EIF2AK2: variants seen among roughly 807,000 people sequenced by gnomAD.
The protein encoded by EIF2AK2 is interferon-induced, double-stranded RNA-activated protein kinase.
EIF2AK2 carries 40 observed loss-of-function variants against 70.5 expected under a neutral mutation model. That is an observed-to-expected ratio of 0.57 (90% CI 0.44 to 0.74). The LOEUF is 0.74. Among genes scored for constraint, EIF2AK2 ranks in the 30% least tolerant of loss-of-function variants. The pLI is 0.00. For synonymous variants in EIF2AK2, 198 were observed against 220.9 expected (o/e 0.90, Z 0.92); for missense variants, 555 against 644.3 (o/e 0.86, Z 1.50).
At chr2:37,125,438 G>A (rs934193623) in intron 11 of EIF2AK2, among the ~76,000 whole-genome samples, 6 of 152,212 alleles carry the variant, frequency 3.9e-5, no homozygotes, top group African/African-American at 1.2e-4. Flanking sequence ...TGGTAGTGAC[G>A]TTCTGGAACT....
rs2148661545 is a variant in EIF2AK2 at position 37,107,058 on chromosome 2, A to G, written c.*215T>C. 3 of 528,334 alleles carry G rather than the reference A, an allele frequency of 5.7e-6. No individual in the cohort carries two copies. The highest frequency in any genetic ancestry group is 8.9e-6 in the Non-Finnish European group (3 of 337,724). The allele number at this position is 528,334 out of a possible 1,614,324, so 32.7% of individuals were successfully genotyped here. On this transcript the variant is annotated 3_prime_UTR_variant, in exon 17 of 17. Transcript: ENST00000233057. ...CTCTGTCTTTAAAAAAAAAAAAAGA[A>G]TAAAGAGATGAGCCAGGAAAAAGTA...
chr2:37,114,864 G>C lies in EIF2AK2; in HGVS notation c.1249-5C>G, dbSNP rs769383677. ...TACTAAGAATATATTACTTGGCTATGAAAAAAAAAAATTTAACTTACATGT... is the reference window on the plus strand; with the variant it reads ...TACTAAGAATATATTACTTGGCTATCAAAAAAAAAAATTTAACTTACATGT... On this transcript the variant is annotated splice_region_variant and splice_polypyrimidine_tract_variant and intron_variant, in intron 13 of 16. Transcript: ENST00000233057. The C allele has an allele frequency of 1.2e-5, 16 of 1,358,388 alleles. No homozygotes were observed. In the South Asian group the frequency reaches 2.3e-4, roughly 20 times the overall value. The allele number at this position is 1,358,388 out of a possible 1,614,324, so 84.1% of individuals were successfully genotyped here. A position where few individuals can be genotyped will look rare whatever the true frequency, so the allele number is the denominator to read the frequency against.
intron 15 of EIF2AK2, 96 bp from the exon 16 acceptor site, chr2:37,107,623 T>C (rs112885967): frequency 1.4e-6 from 2 of 1,403,402 alleles, no homozygotes; most frequent in African/African-American, 1.4e-5. Flanking sequence ...GTAGGATATT[T>C]CCAGATTTTT....
At chr2:37,156,209 T>C (rs1439343950) in intron 1 of EIF2AK2, among the ~76,000 whole-genome samples, 1 of 152,150 alleles carries the variant, frequency 6.6e-6, no homozygotes, top group East Asian at 1.9e-4. Flanking sequence ...GATGCTTGGC[T>C]GTGCACCAGG....
At chr2:37,156,399 G>T (rs184662377) in intron 1 of EIF2AK2, among the ~76,000 whole-genome samples, 143 of 152,292 alleles carry the variant, frequency 9.4e-4, no homozygotes, top group African/African-American at 3.2e-3. Flanking sequence ...GAAGAGGTAG[G>T]GGGTGGAGGT....
In EIF2AK2 at chr2:37,104,959, T is replaced by C. The variant is rs933795344; in HGVS notation, c.*2314A>G. 2.0e-5 allele frequency: 3 copies of C among 152,270 alleles called. No individual in the cohort carries two copies. The highest frequency in any genetic ancestry group is 2.1e-4 in the South Asian group (1 of 4,832). 9.4% of individuals were successfully genotyped at this position (152,270 alleles called of 1,614,324 possible). ...TAAAGGTACATTTTCCCCTGTATAA[T>C]TGATACCTCTTCTGTAGGATTATAT... On this transcript the variant is annotated 3_prime_UTR_variant, in exon 17 of 17. Coordinates refer to ENST00000233057, the MANE Select transcript of EIF2AK2 (RefSeq NM_001135651.3).
At chr2:37,134,874 G>T (rs1675071470) in intron 10 of EIF2AK2, among the ~76,000 whole-genome samples, 1 of 152,046 alleles carries the variant, frequency 6.6e-6, no homozygotes, top group Admixed American at 6.6e-5. Context: ...GCCAACCTTT[G>T]CCCATTCCAT....
chr2:37,149,743 A>C (rs1675678373), intron 1 of EIF2AK2, among the ~76,000 whole-genome samples: 1 of 152,194 alleles, frequency 6.6e-6, no homozygotes, highest in African/African-American at 2.4e-5. Flanking sequence ...TCAGTCTACA[A>C]ATCACGATGT....
intron 14 of EIF2AK2, among the ~76,000 whole-genome samples, chr2:37,113,437 G>T (rs1674225814): frequency 6.9e-6 from 1 of 144,376 alleles, no homozygotes; most frequent in African/African-American, 2.6e-5. Context: ...AGAGGTTGTT[G>T]CAGTGAGCTG....
intron 12 of EIF2AK2, among the ~76,000 whole-genome samples, chr2:37,121,120 G>A (rs368347790): frequency 6.7e-6 from 1 of 148,830 alleles, no homozygotes; most frequent in East Asian, 1.9e-4. Flanking sequence ...AAAATTAGCC[G>A]GGCGTGGTGG....
chr2:37,107,613 G>A, intron 15 of EIF2AK2, 86 bp from the exon 16 acceptor site: 1 of 1,436,190 alleles, frequency 7.0e-7, no homozygotes, highest in Non-Finnish European at 9.4e-7. Flanking sequence ...TACCTGAAAT[G>A]TAGGATATTT....
chr2:37,141,528 A>T, intron 5 of EIF2AK2, 25 bp downstream of exon 5: 2 of 1,601,862 alleles, frequency 1.2e-6, no homozygotes, highest in Non-Finnish European at 1.7e-6. Context: ...AATGAAACAG[A>T]AAGAAAAGCC....
chr2:37,113,035 C>T (rs1272584933), intron 14 of EIF2AK2, among the ~76,000 whole-genome samples: 4 of 152,132 alleles, frequency 2.6e-5, no homozygotes, highest in East Asian at 1.9e-4. Flanking sequence ...CATATTCACA[C>T]GGGGAAAATC....
chr2:37,141,612 C>T lies in EIF2AK2; in HGVS notation c.330G>A (p.Gln110=). The change falls in exon 5 of 17, where the codon CAG becomes CAA. Residue 110 remains glutamine, a synonymous_variant. Coordinates refer to ENST00000233057, the MANE Select transcript of EIF2AK2 (RefSeq NM_001135651.3). ...CATAATTTACAGTTAGTCTTTTCTT[C>T]TGGGCAATTCTATTGATAAGGCCTA... ...NYIGLINRIA[Q]KKRLTVNYEQ... 1 of 1,614,094 alleles carries T rather than the reference C, an allele frequency of 6.2e-7. No homozygotes were observed. Among genetic ancestry groups the T allele is most frequent in the Non-Finnish European group, 8.5e-7 (1 of 1,180,000 alleles).
In EIF2AK2 at chr2:37,141,658, C is replaced by A. The variant is rs751134564; in HGVS notation, c.284G>T (p.Gly95Val). The change falls in exon 5 of 17, where the codon GGA becomes GTA. Residue 95 changes from glycine (G) to valine (V), a missense_variant. By Grantham distance (109) the Gly-to-Val change is moderately radical. This residue lies in a region of EIF2AK2 where 208 missense variants were observed against 191.8 expected (regional missense o/e 1.08). Transcript: ENST00000233057. Reference sequence around the variant, plus strand: ...GCCTATGTAATTCCCCATGGATAATCCTTCTGAAGAATTCGTTGTTGTCAA... The same window carrying A: ...GCCTATGTAATTCCCCATGGATAATACTTCTGAAGAATTCGTTGTTGTCAA... ...LLLTTTNSSE[G>V]LSMGNYIGLI... is the part of the protein sequence containing the mutation. 6.2e-6 allele frequency: 10 copies of A among 1,613,612 alleles called. No homozygotes were observed. In the Admixed American group the frequency reaches 1.3e-4, roughly 22 times the overall value.
At chr2:37,143,808 T>C (rs895012736) in intron 4 of EIF2AK2, among the ~76,000 whole-genome samples, 1 of 151,936 alleles carries the variant, frequency 6.6e-6, no homozygotes, top group South Asian at 2.1e-4. Flanking sequence ...CACCTGAGCC[T>C]GGGGAGATTG....
intron 1 of EIF2AK2, among the ~76,000 whole-genome samples, chr2:37,153,858 CAT>C (rs889826939): frequency 2.0e-5 from 3 of 152,202 alleles, no homozygotes; most frequent in African/African-American, 7.2e-5. Context: ...AATTGAATCA[CAT>C]GATAATTCTG....
intron 5 of EIF2AK2, among the ~76,000 whole-genome samples, 195 bp from the exon 6 acceptor site, chr2:37,139,952 G>A (rs765238211): frequency 3.3e-5 from 5 of 152,174 alleles, no homozygotes; most frequent in Non-Finnish European, 2.9e-5. Context: ...CCCAGGATCA[G>A]CTGACATCTG....
chr2:37,134,355 G>A (rs1009784384), intron 10 of EIF2AK2, among the ~76,000 whole-genome samples: 1 of 152,130 alleles, frequency 6.6e-6, no homozygotes, highest in Non-Finnish European at 1.5e-5. Context: ...GGAAATTTCC[G>A]TGTAAGATCC....
Sources: gnomAD v4.1 joint callset for allele counts (sites outside exome capture counted in the v4.1 genomes callset) on GRCh38, gnomAD v4.1.1 for gene constraint, gnomAD v4.1.1 regional missense constraint, MANE v1.5 for transcripts, NCBI Gene and HGNC (gene_info 2026-07-23, HGNC 2026-07-21) for gene names.